The following ACSM3 variants were observed in gnomAD, a reference collection of about 807,000 sequenced individuals.
ACSM3 encodes the protein acyl-coenzyme A synthetase ACSM3, mitochondrial.
Under a neutral mutation model 74.1 loss-of-function variants are expected in ACSM3, and 61 were observed. The ratio of observed to expected loss-of-function variants is 0.82; its 90% CI spans 0.67 to 1.02. The LOEUF is 1.02. Ranked by LOEUF, ACSM3 falls within the 50% of genes least tolerant of loss-of-function variation. The pLI is 0.00. For synonymous variants in ACSM3, 213 were observed against 241.5 expected, an observed-to-expected ratio of 0.88 and a Z score of 1.09; for missense variants, 660 against 697.0, an observed-to-expected ratio of 0.95 and a Z score of 0.60.
chr16:20,694,350 T>C (rs2079678642), intron 1 of ACSM3, among the ~76,000 whole-genome samples: 1 of 152,216 alleles, frequency 6.6e-6, no homozygotes, highest in Non-Finnish European at 1.5e-5. Context: ...CTGCAGGAAG[T>C]AAAAATGGCC....
At chr16:20,690,985 C>A in intron 1 of ACSM3, 1 of 1,604,884 alleles carries the variant, frequency 6.2e-7, no homozygotes, top group Non-Finnish European at 8.5e-7. Flanking sequence ...GCCATCACGG[C>A]AGATCTCTTA....
rs7192739 is a variant in ACSM3, at chr16:20,737,651, T to G, written c.-189-12259T>G. ...TAAATCTTTAAAAAGAAAAAAATCCTTAAAAAACAAGTATTTACCATTGAA... is the reference window on the plus strand; with the variant it reads ...TAAATCTTTAAAAAGAAAAAAATCCGTAAAAAACAAGTATTTACCATTGAA... On this transcript the variant is annotated intron_variant, in intron 1 of 3. Coordinates refer to the ACSM3 transcript ENST00000561584. 1,919 of 1,527,222 alleles carry G rather than the reference T, an allele frequency of 1.3e-3. 29 individuals carry two copies. In the African/African-American group the frequency reaches 0.024, roughly 19 times the overall value. The allele number at this position is 1,527,222 out of a possible 1,614,324, so 94.6% of individuals were successfully genotyped here.
At chr16:20,696,865 G>A (rs1380532250) in intron 1 of ACSM3, among the ~76,000 whole-genome samples, 4 of 152,128 alleles carry the variant, frequency 2.6e-5, no homozygotes, top group Non-Finnish European at 4.4e-5. Flanking sequence ...CAGAGCCAGG[G>A]CTAGATGTTT....
intron 1 of ACSM3, among the ~76,000 whole-genome samples, chr16:20,675,317 G>C (rs1044534722): frequency 1.3e-5 from 2 of 152,152 alleles, no homozygotes; most frequent in African/African-American, 4.8e-5. Flanking sequence ...GGAGTAATGT[G>C]GGGAGGCACA....
intron 1 of ACSM3, among the ~76,000 whole-genome samples, chr16:20,740,455 G>C (rs1470234967): frequency 1.3e-5 from 2 of 152,226 alleles, no homozygotes; most frequent in African/African-American, 2.4e-5. Flanking sequence ...TTGTTGCCCA[G>C]CTCTCTGCCC....
At chr16:20,694,167 CTT>C (rs1038635557) in intron 1 of ACSM3, among the ~76,000 whole-genome samples, 9 of 152,314 alleles carry the variant, frequency 5.9e-5, no homozygotes, top group Admixed American at 3.9e-4. Flanking sequence ...ACCTTTGCCT[CTT>C]TAAAAAAGTT....
intron 12 of ACSM3, among the ~76,000 whole-genome samples, chr16:20,794,847 C>T (rs779919113): frequency 6.6e-6 from 1 of 152,202 alleles, no homozygotes; most frequent in Non-Finnish European, 1.5e-5. Context: ...GTTCTGACTT[C>T]AGAGTTCATA....
chr16:20,729,197 A>T lies in ACSM3; in HGVS notation c.-189-20713A>T, dbSNP rs572839719. On this transcript the variant is annotated intron_variant, in intron 1 of 3. Transcript: ENST00000561584. ...GTTATACCCATTTCTGTTCTGACCA[A>T]ACTAATCCCCAAATGTCATCTTTGA... 41 of 741,112 alleles carry T rather than the reference A, an allele frequency of 5.5e-5. 1 individual carries two copies. Among genetic ancestry groups the T allele is most frequent in the African/African-American group, 5.3e-4 (31 of 58,188 alleles). The allele number at this position is 741,112 out of a possible 1,614,324, so 45.9% of individuals were successfully genotyped here. A position where few individuals can be genotyped will look rare whatever the true frequency, so the allele number is the denominator to read the frequency against.
intron 1 of ACSM3, among the ~76,000 whole-genome samples, chr16:20,685,985 C>T (rs2079548054): frequency 6.6e-6 from 1 of 152,066 alleles, no homozygotes; most frequent in African/African-American, 2.4e-5. Flanking sequence ...CATTCCACCA[C>T]ATGCCTGCCT....
At position 20,792,327 on chromosome 16, in the gene ACSM3, AGAG is replaced by A. The variant is rs1237335318; in HGVS notation, c.1550_1552del (p.Gly517del). On this transcript the variant is annotated inframe_deletion, in exon 12 of 14. Coordinates refer to ENST00000289416, the MANE Select transcript of ACSM3 (RefSeq NM_005622.4). ...TGTTGTCAGCAGCCCAGACCCCATC[AGAG>A]GAGAGGTAAAAGAACTGATTCATGT... 6 of 1,614,028 alleles carry A rather than the reference AGAG, an allele frequency of 3.7e-6. No homozygotes were observed. The Admixed American group carries it at 5.0e-5, about 13-fold the overall frequency.
chr16:20,682,048 C>T, intron 1 of ACSM3: 1 of 529,344 alleles, frequency 1.9e-6, no homozygotes, highest in Non-Finnish European at 3.4e-6. Context: ...AAGCTTCCCC[C>T]TGCACAGATC....
At chr16:20,741,483 C>CA in intron 1 of ACSM3, 2 of 200,040 alleles carry the variant, frequency 1.0e-5, no homozygotes, top group South Asian at 7.3e-5. Flanking sequence ...GGCAGCCGGC[C>CA]CGCCCGCCCA....
intron 1 of ACSM3, chr16:20,727,546 G>A: frequency 3.4e-6 from 1 of 290,524 alleles, no homozygotes; most frequent in South Asian, 3.3e-5. Flanking sequence ...AGCCCCTGAA[G>A]TGCCTCCATC....
At chr16:20,772,339 T>A (rs542255487) in intron 2 of ACSM3, among the ~76,000 whole-genome samples, 7 of 152,108 alleles carry the variant, frequency 4.6e-5, no homozygotes, top group Non-Finnish European at 1.0e-4. Context: ...TCTCAGAGCC[T>A]ACTCTGGCTC....
At chr16:20,688,503 C>G (rs1239494754) in intron 1 of ACSM3, among the ~76,000 whole-genome samples, 1 of 152,028 alleles carries the variant, frequency 6.6e-6, no homozygotes, top group African/African-American at 2.4e-5. Flanking sequence ...TATCAAGACA[C>G]ATTATAATTA....
chr16:20,734,781 G>A (rs1024909841), intron 1 of ACSM3: 6 of 152,184 alleles, frequency 3.9e-5, no homozygotes, highest in African/African-American at 1.2e-4. Context: ...CTCATGGTAT[G>A]TGAGTGTGAG....
intron 1 of ACSM3, among the ~76,000 whole-genome samples, chr16:20,694,635 C>T (rs1335168349): frequency 1.3e-5 from 2 of 152,130 alleles, no homozygotes; most frequent in Non-Finnish European, 1.5e-5. Flanking sequence ...CAACCCCTTA[C>T]TAAGTGACTA....
chr16:20,730,905 A>C (rs568952113), intron 1 of ACSM3, among the ~76,000 whole-genome samples: 19 of 152,290 alleles, frequency 1.2e-4, no homozygotes, highest in South Asian at 1.0e-3. Flanking sequence ...CCAGGCAAAA[A>C]GCAGGAGTGC....
intron 1 of ACSM3, among the ~76,000 whole-genome samples, chr16:20,694,741 C>T (rs571274656): frequency 6.6e-6 from 1 of 152,140 alleles, no homozygotes; most frequent in East Asian, 1.9e-4. Context: ...TGGTGAAGTA[C>T]GAACCCCAAT....
Sources: allele counts gnomAD v4.1 joint callset (sites outside exome capture counted in the v4.1 genomes callset), GRCh38; gene constraint gnomAD v4.1.1; transcripts MANE v1.5; gene names NCBI Gene and HGNC (gene_info 2026-07-23, HGNC 2026-07-21).